MCC: variants seen among roughly 807,000 people sequenced by gnomAD.
The protein encoded by MCC is MCC regulator of Wnt signaling pathway.
A neutral mutation model predicts 116.2 loss-of-function variants in MCC; 90 were observed. That is an observed-to-expected ratio of 0.77 (90% confidence interval 0.65 to 0.92). The LOEUF (loss-of-function observed/expected upper bound fraction) is 0.92, where lower values mean the gene tolerates loss of function less well. MCC is among the 40% of genes least tolerant of loss of function. The probability of loss-of-function intolerance (pLI) is 0.00; values close to 1 mark genes in which losing one functional copy is unlikely to be tolerated. For synonymous variants in MCC, 578 were observed against 510.5 expected (o/e 1.13, Z -1.78); for missense variants, 1,516 against 1,312.2 (o/e 1.16, Z -2.40).
chr5:113,145,337 A>G (rs1759432435), intron 4 of MCC, among the ~76,000 whole-genome samples: 1 of 151,730 alleles, frequency 6.6e-6, no homozygotes, highest in Non-Finnish European at 1.5e-5. Context: ...CAATGCTGTG[A>G]CTCCTATGTT....
intron 14 of MCC, among the ~76,000 whole-genome samples, chr5:113,060,240 C>A (rs569026195): frequency 6.6e-6 from 1 of 152,110 alleles, no homozygotes; most frequent in Non-Finnish European, 1.5e-5. Context: ...CCACAGCCTC[C>A]GCCTCCTGGG....
At chr5:113,445,894 AACC>A (rs1771200878) in intron 1 of MCC, among the ~76,000 whole-genome samples, 1 of 152,232 alleles carries the variant, frequency 6.6e-6, no homozygotes, top group Non-Finnish European at 1.5e-5. Flanking sequence ...ACTGGTACAA[AACC>A]AGACACAAAG....
intron 1 of MCC, 112 bp from the exon 2 acceptor site, chr5:113,385,324 A>G (rs900253700): frequency 1.4e-5 from 15 of 1,083,164 alleles, no homozygotes; most frequent in African/African-American, 8.0e-5. Flanking sequence ...TACTAGACCT[A>G]TTTTCAACTT....
chr5:113,316,394 C>G (rs757500579), intron 3 of MCC, among the ~76,000 whole-genome samples: 7 of 152,002 alleles, frequency 4.6e-5, no homozygotes, highest in Non-Finnish European at 7.4e-5. Context: ...ATACCAATAA[C>G]AAATACCAAG....
rs562606501 is a variant in MCC at position 113,385,051 on chromosome 5, A to G, written c.332T>C (p.Leu111Pro). Residue 111 changes from leucine to proline, a missense_variant, in exon 2 of 19, where the codon CTT becomes CCT. By Grantham distance (98) the Leu-to-Pro change is moderately conservative. Transcript: ENST00000408903. ...VREIRKEEVDLSAKSDNSCTK... is the reference protein window; with the variant it reads ...VREIRKEEVDPSAKSDNSCTK... ...ACAGGAGTTGTCTGACTTTGCAGAA[A>G]GATCTACTTCCTCCTTCCTAATTTC... The G allele has an allele frequency of 7.4e-6, 12 of 1,614,226 alleles. No homozygotes were observed. The South Asian group carries it at 1.3e-4, about 18-fold the overall frequency.
chr5:113,466,320 C>T (rs1045918460), intron 1 of MCC, among the ~76,000 whole-genome samples: 7 of 147,812 alleles, frequency 4.7e-5, no homozygotes, highest in African/African-American at 1.8e-4. Flanking sequence ...TCTCCTAATG[C>T]TATCCCTCCC....
chr5:113,181,297 A>G (rs536694573), intron 3 of MCC, among the ~76,000 whole-genome samples: 42 of 152,240 alleles, frequency 2.8e-4, no homozygotes, highest in Non-Finnish European at 4.8e-4. Context: ...TCAGAACACC[A>G]TTACCAGCCT....
intron 15 of MCC, among the ~76,000 whole-genome samples, chr5:113,049,672 G>A (rs967558540): frequency 6.6e-6 from 1 of 152,234 alleles, no homozygotes; most frequent in Non-Finnish European, 1.5e-5. Context: ...AGCTGCACCT[G>A]CCAGAGGCTG....
chr5:113,253,925 A>G (rs1764904797), intron 3 of MCC, among the ~76,000 whole-genome samples: 1 of 152,206 alleles, frequency 6.6e-6, no homozygotes, highest in African/African-American at 2.4e-5. Context: ...AAACTGGGTG[A>G]GTGGAAGGAG....
At chr5:113,475,331 A>G (rs1398417486) in intron 1 of MCC, among the ~76,000 whole-genome samples, 1 of 152,248 alleles carries the variant, frequency 6.6e-6, no homozygotes, top group Non-Finnish European at 1.5e-5. Flanking sequence ...GTTACATCAG[A>G]CAAACATTTA....
intron 3 of MCC, among the ~76,000 whole-genome samples, chr5:113,177,416 C>T (rs893090733): frequency 2.0e-5 from 3 of 152,190 alleles, no homozygotes; most frequent in Admixed American, 1.3e-4. Context: ...GTGCCTTGTG[C>T]AATGACACAA....
intron 1 of MCC, among the ~76,000 whole-genome samples, chr5:113,403,697 G>A (rs1163194490): frequency 1.3e-5 from 2 of 152,174 alleles, no homozygotes; most frequent in African/African-American, 4.8e-5. Context: ...AAGGAGGAAA[G>A]GAAGCAGCAG....
chr5:113,434,711 G>C lies in MCC; in HGVS notation c.171-49499C>G. 4 of 1,614,110 alleles carry C rather than the reference G, an allele frequency of 2.5e-6. No individual in the cohort carries two copies. Among genetic ancestry groups the C allele is most frequent in the Non-Finnish European group, 3.4e-6 (4 of 1,179,970 alleles). ...AGTCTGCGGGGGCCTTCTTGCGGTC[G>C]ATGATCTTGATCGCCACATTGAACT... is the stretch of plus-strand genomic sequence containing the variant. On this transcript the variant is annotated intron_variant, in intron 1 of 18. Coordinates refer to ENST00000408903, the MANE Select transcript of MCC (RefSeq NM_001085377.2). The surrounding 1 kb of genome is among the most constrained non-coding windows in gnomAD (Gnocchi z 4.2).
chr5:113,333,838 T>TATATGTACATATATGTACATATATGTAC (rs1554076897), intron 3 of MCC, among the ~76,000 whole-genome samples: 2 of 28,834 alleles, frequency 6.9e-5, no homozygotes, highest in East Asian at 7.6e-4. Context: ...TATATATGTA[T>TATATGTACATATATGTACATATATGTAC]ATATGTATAT....
chr5:113,115,232 T>C (rs908515268), intron 6 of MCC, among the ~76,000 whole-genome samples: 1 of 152,132 alleles, frequency 6.6e-6, no homozygotes, highest in Admixed American at 6.5e-5. Context: ...GCAGCCTGAG[T>C]AAGCGAGGCA....
intron 3 of MCC, among the ~76,000 whole-genome samples, chr5:113,244,251 C>T (rs529440387): frequency 1.3e-5 from 2 of 152,280 alleles, no homozygotes; most frequent in Admixed American, 1.3e-4. Flanking sequence ...TTTTTAACAA[C>T]ACAAGGAATG....
intron 3 of MCC, among the ~76,000 whole-genome samples, chr5:113,303,776 C>T (rs1468978774): frequency 6.6e-6 from 1 of 152,158 alleles, no homozygotes; most frequent in East Asian, 1.9e-4. Context: ...CCTCAGCCTC[C>T]CAAGTAGCTG....
At chr5:113,426,750 C>T (rs1371327865) in intron 1 of MCC, among the ~76,000 whole-genome samples, 1 of 152,172 alleles carries the variant, frequency 6.6e-6, no homozygotes, top group Admixed American at 6.5e-5. Flanking sequence ...AATAAAATAA[C>T]TAAACACATG....
intron 3 of MCC, among the ~76,000 whole-genome samples, chr5:113,282,331 A>T (rs1259952790): frequency 6.6e-6 from 1 of 152,152 alleles, no homozygotes; most frequent in South Asian, 2.1e-4. Flanking sequence ...TTTGACACTC[A>T]GGGAATTAAA....
Sources: gnomAD v4.1 joint callset for allele counts (sites outside exome capture counted in the v4.1 genomes callset) on GRCh38, gnomAD v4.1.1 for gene constraint, Gnocchi (gnomAD v3.1) non-coding constraint, MANE v1.5 for transcripts, NCBI Gene and HGNC (gene_info 2026-07-23, HGNC 2026-07-21) for gene names.